The following SZT2 variants were observed in gnomAD, a reference collection of about 807,000 sequenced individuals.
The protein encoded by SZT2 is SZT2 subunit of KICSTOR complex.
A neutral mutation model predicts 404.2 loss-of-function variants in SZT2; 216 were observed. The ratio of observed to expected loss-of-function variants is 0.53; its 90% confidence interval spans 0.48 to 0.60. The LOEUF (loss-of-function observed/expected upper bound fraction) is 0.60, where lower values mean the gene tolerates loss of function less well. Among genes scored for constraint, SZT2 ranks in the 20% least tolerant of loss-of-function variants. The pLI, the probability that SZT2 is intolerant of heterozygous loss-of-function variation, is 0.00. For synonymous variants in SZT2, 1,693 were observed against 1,749.9 expected (o/e 0.97, Z 0.81); for missense variants, 3,857 against 4,459.2 (o/e 0.86, Z 3.85).
chr1:43,439,075 C>G lies in SZT2; in HGVS notation c.6774C>G (p.Asn2258Lys). The G allele has an allele frequency of 6.2e-7, 1 of 1,614,236 alleles. No individual in the cohort carries two copies. Among genetic ancestry groups the G allele is most frequent in the African/African-American group, 1.3e-5 (1 of 75,064 alleles). The change falls in exon 48 of 72, where the codon AAC becomes AAG. Residue 2258 changes from asparagine (N) to lysine (K), a missense_variant. Asn to Lys is a moderately conservative substitution (Grantham distance 94). Transcript: ENST00000634258. The surrounding 1 kb of genome is among the most constrained non-coding windows in gnomAD (Gnocchi z 4.2). Reference sequence around the variant, plus strand: ...ACTCTCCCAAGTACACAGATAGCAACAGCCGGAACCACTTCCAAGTGAGAT... The same window carrying G: ...ACTCTCCCAAGTACACAGATAGCAAGAGCCGGAACCACTTCCAAGTGAGAT... ...FLHSPKYTDS[N>K]SRNHFQHPLP...
intron 1 of SZT2, 81 bp from the exon 2 acceptor site, chr1:43,403,096 A>C: frequency 1.3e-6 from 2 of 1,509,774 alleles, no homozygotes; most frequent in Non-Finnish European, 1.8e-6. Context: ...TTCCTTGGGC[A>C]AATTATTTGG....
At chr1:43,407,465 A>G (rs897861241) in intron 4 of SZT2, among the ~76,000 whole-genome samples, 1 of 152,074 alleles carries the variant, frequency 6.6e-6, no homozygotes, top group African/African-American at 2.4e-5. Flanking sequence ...GCCATGAGCC[A>G]AGATCACGCC....
chr1:43,443,264 C>T lies in SZT2; in HGVS notation c.8496C>T (p.Ile2832=). 1.2e-6 allele frequency: 2 copies of T among 1,614,184 alleles called. No individual in the cohort carries two copies. The highest frequency in any genetic ancestry group is 1.7e-6 in the Non-Finnish European group (2 of 1,180,016). ...GTTCTACCCCAGCCACCATGCCCAT[C>T]AGTGTGAGTGACCCCAGCTTGCATC... is the stretch of plus-strand genomic sequence containing the variant. ...QQRSTPATMP[I]SAGELETLKQ... Residue 2832 remains isoleucine (I), a synonymous_variant, in exon 60 of 72, where the codon ATC becomes ATT. Coordinates refer to ENST00000634258, the MANE Select transcript of SZT2 (RefSeq NM_001365999.1).
In SZT2 at chr1:43,420,320, A is replaced by G; in HGVS notation, c.1258A>G (p.Lys420Glu). ...GYSVREVTLA[K>E]GGSQLEVKLV... ...CAGTGTCCGAGAGGTCACACTGGCC[A>G]AAGGTAAGGGTCATTAGGCCCTGCT... The change falls in exon 9 of 72, where the codon AAA becomes GAA. Residue 420 changes from lysine to glutamate, a missense_variant. Lys to Glu is a moderately conservative substitution (Grantham distance 56). Transcript: ENST00000634258. The surrounding 1 kb of genome is among the most constrained non-coding windows in gnomAD (Gnocchi z 5.1). The G allele has an allele frequency of 1.9e-6, 3 of 1,588,804 alleles. No individual in the cohort carries two copies. The highest frequency in any genetic ancestry group is 2.6e-6 in the Non-Finnish European group (3 of 1,174,742).
intron 40 of SZT2, among the ~76,000 whole-genome samples, chr1:43,433,653 G>C (rs1314656036): frequency 1.3e-5 from 2 of 152,160 alleles, no homozygotes; most frequent in African/African-American, 4.8e-5. Flanking sequence ...GTGGTGGCAG[G>C]CGCCTGTAGT....
At chr1:43,422,300 G>A in intron 12 of SZT2, 75 bp downstream of exon 12, 1 of 1,511,688 alleles carries the variant, frequency 6.6e-7, no homozygotes, top group South Asian at 1.3e-5. Context: ...ATGGGAAGGG[G>A]AGCAGCAGAT....
At position 43,452,841 on chromosome 1, in the gene SZT2, T is replaced by C; in HGVS notation, c.*2361T>C. ...TCCACCTCCTCCCATCATCCCCTGA[T>C]CTTAGCCACATCCAGCTCCAAGCAG... On this transcript the variant is annotated 3_prime_UTR_variant, in exon 72 of 72. Transcript: ENST00000634258. 2.0e-6 allele frequency: 3 copies of C among 1,526,636 alleles called. No individual in the cohort carries two copies. Among genetic ancestry groups the C allele is most frequent in the Non-Finnish European group, 2.7e-6 (3 of 1,124,312 alleles). 94.6% of individuals were successfully genotyped at this position (1,526,636 alleles called of 1,614,324 possible). A position where few individuals can be genotyped will look rare whatever the true frequency, so the allele number is the denominator to read the frequency against.
chr1:43,446,618 C>A, intron 65 of SZT2: 1 of 675,388 alleles, frequency 1.5e-6, no homozygotes, highest in Non-Finnish European at 2.5e-6. Context: ...ATCGGTCATC[C>A]AAAGCGTGTT....
chr1:43,428,442 G>A lies in SZT2; in HGVS notation c.4122G>A (p.Glu1374=), dbSNP rs766348252. Residue 1374 remains glutamate, a synonymous_variant, in exon 28 of 72, where the codon GAG becomes GAA. Coordinates refer to ENST00000634258, the MANE Select transcript of SZT2 (RefSeq NM_001365999.1). The part of the protein sequence containing the change: ...SPGPFSSSME[E]GAEPRERAIL... ...GGCCCTTCAGCAGCAGCATGGAGGA[G>A]GGTGCTGAACCTCGGGAACGAGCTA... The A allele has an allele frequency of 7.4e-6, 12 of 1,614,154 alleles. No homozygotes were observed. The highest frequency in any genetic ancestry group is 3.3e-5 in the South Asian group (3 of 91,084).
At chr1:43,422,658 C>CCCT in intron 13 of SZT2, 26 bp downstream of exon 13, 2 of 1,009,108 alleles carry the variant, frequency 2.0e-6, no homozygotes, top group Non-Finnish European at 1.3e-6. Context: ...TCCCTTCACC[C>CCCT]CCCGCCCCCC....
chr1:43,425,839 A>G lies in SZT2; in HGVS notation c.2819A>G (p.His940Arg). 6.2e-7 allele frequency: 1 copy of G among 1,613,848 alleles called. No individual in the cohort carries two copies. The highest frequency in any genetic ancestry group is 8.5e-7 in the Non-Finnish European group (1 of 1,179,902). Residue 940 changes from histidine (H) to arginine (R), a missense_variant, in exon 20 of 72, where the codon CAC (histidine) becomes CGC (arginine). Physicochemically the swap from His to Arg is conservative, Grantham distance 29. This residue lies in a region of SZT2 where 1,725 missense variants were observed against 1,881.0 expected (regional missense o/e 0.92). Coordinates refer to ENST00000634258, the MANE Select transcript of SZT2 (RefSeq NM_001365999.1). The surrounding 1 kb of genome is among the most constrained non-coding windows in gnomAD (Gnocchi z 4.3). ...CCTCTGATGTTCTTCCTGTAGCTCCACCCACGGGATGCTGCCTGCATAGGC... is the reference window on the plus strand; with the variant it reads ...CCTCTGATGTTCTTCCTGTAGCTCCGCCCACGGGATGCTGCCTGCATAGGC... ...LTYSEIPQAL[H>R]PRDAACIGSM...
At chr1:43,417,143 A>G (rs1391137694) in intron 7 of SZT2, among the ~76,000 whole-genome samples, 2 of 152,240 alleles carry the variant, frequency 1.3e-5, no homozygotes, top group Non-Finnish European at 2.9e-5. Flanking sequence ...TGGGTGATGC[A>G]GATAGATAGA....
At chr1:43,394,972 G>A (rs1156889377) in intron 1 of SZT2, among the ~76,000 whole-genome samples, 1 of 152,156 alleles carries the variant, frequency 6.6e-6, no homozygotes, top group Non-Finnish European at 1.5e-5. Context: ...CTAGGCAAAT[G>A]TTCAGCAAAT....
intron 13 of SZT2, 33 bp downstream of exon 13, chr1:43,422,665 CCCCCA>C: frequency 4.0e-6 from 3 of 751,530 alleles, no homozygotes; most frequent in South Asian, 1.7e-5. Flanking sequence ...ACCCCCCGCC[CCCCCA>C]CCCCCCCGCC....
Position 43,453,815 on chromosome 1 carries a change from C to A in SZT2, c.*3335C>A, listed in dbSNP as rs182798940. On this transcript the variant is annotated 3_prime_UTR_variant, in exon 72 of 72. Transcript: ENST00000634258. ...CCATGCCTGGGGAGGCCGGGCCGGG[C>A]GGAGTCCGCGGGATCCAAAGGCGGC... The A allele has an allele frequency of 3.2e-6, 4 of 1,232,748 alleles. No individual in the cohort carries two copies. Among genetic ancestry groups the A allele is most frequent in the Non-Finnish European group, 4.0e-6 (4 of 990,154 alleles). The allele number at this position is 1,232,748 out of a possible 1,614,324, so 76.4% of individuals were successfully genotyped here.
chr1:43,451,368 C>T lies in SZT2; in HGVS notation c.*888C>T. ...CCCACAAGGAGAAAACAGCCCCTGT[C>T]CGGGTCCCTCCAGAGCTCCCTTCCC... On this transcript the variant is annotated 3_prime_UTR_variant, in exon 72 of 72. Transcript: ENST00000634258. The T allele has an allele frequency of 6.2e-7, 1 of 1,612,106 alleles. No individual in the cohort carries two copies. The highest frequency in any genetic ancestry group is 8.5e-7 in the Non-Finnish European group (1 of 1,180,006).
rs1656758093 is a variant in SZT2 at position 43,453,912 on chromosome 1, T to C, written c.*3432T>C. 3.3e-6 allele frequency: 4 copies of C among 1,210,252 alleles called. No individual in the cohort carries two copies. Among genetic ancestry groups the C allele is most frequent in the Non-Finnish European group, 3.1e-6 (3 of 974,740 alleles). 75.0% of individuals were successfully genotyped at this position (1,210,252 alleles called of 1,614,324 possible). A position where few individuals can be genotyped will look rare whatever the true frequency, so the allele number is the denominator to read the frequency against. ...GGCCCTGCGAACGAACGAGCACTGT[T>C]CGTGGTTAGAAAAGCGAAGTGCTGT... On this transcript the variant is annotated 3_prime_UTR_variant, in exon 72 of 72. Transcript: ENST00000634258.
At position 43,442,917 on chromosome 1, in the gene SZT2, C is replaced by G; in HGVS notation, c.8250C>G (p.Ser2750=). The change falls in exon 59 of 72, where the codon TCC becomes TCG. Residue 2750 remains serine (S), a synonymous_variant. Transcript: ENST00000634258. This position sits in a 1 kb window ranked among gnomAD's most constrained non-coding sequence, Gnocchi z 4.5. ...LSREQGRLSG[S]SRGGGPLPLD... is the part of the protein sequence containing the mutation. The stretch of plus-strand genomic sequence containing the variant: ...GTGAGCAGGGCCGACTGAGTGGGTC[C>G]TCTCGTGGTGGGGGTCCTCTTCCCC... The G allele has an allele frequency of 6.2e-7, 1 of 1,614,110 alleles. No individual in the cohort carries two copies. The highest frequency in any genetic ancestry group is 1.1e-5 in the South Asian group (1 of 91,080).
Position 43,442,376 on chromosome 1 carries a change from T to C in SZT2, c.7974+8T>C, listed in dbSNP as rs1445851050. Reference sequence around the variant, plus strand: ...GAGGTTGTGGACAAGAAGGTAAATATGGGGCCAGGGACTGGGTGGGAAGAG... The same window carrying C: ...GAGGTTGTGGACAAGAAGGTAAATACGGGGCCAGGGACTGGGTGGGAAGAG... On this transcript the variant is annotated splice_region_variant and intron_variant, in intron 57 of 71. Transcript: ENST00000634258. This position sits in a 1 kb window ranked among gnomAD's most constrained non-coding sequence, Gnocchi z 4.5. 1.9e-6 allele frequency: 3 copies of C among 1,613,558 alleles called. No individual in the cohort carries two copies. Among genetic ancestry groups the C allele is most frequent in the Non-Finnish European group, 2.5e-6 (3 of 1,179,772 alleles).
Sources: gnomAD v4.1 joint callset for allele counts (sites outside exome capture counted in the v4.1 genomes callset) on GRCh38, gnomAD v4.1.1 for gene constraint, gnomAD v4.1.1 regional missense constraint, Gnocchi (gnomAD v3.1) non-coding constraint, MANE v1.5 for transcripts, NCBI Gene and HGNC (gene_info 2026-07-23, HGNC 2026-07-21) for gene names.